VRK2: variants seen among roughly 807,000 people sequenced by gnomAD.
VRK2 encodes the protein VRK serine/threonine kinase 2.
A neutral mutation model predicts 57.6 loss-of-function variants in VRK2; 60 were observed. That is an observed-to-expected ratio of 1.04 (90% confidence interval 0.85 to 1.29). The LOEUF (loss-of-function observed/expected upper bound fraction) is 1.29. Ranked by LOEUF, VRK2 falls within the 50% of genes most tolerant of loss-of-function variation. The pLI is 0.00. For missense variants in VRK2, 705 were observed against 588.1 expected (o/e 1.20, Z -2.06); for synonymous variants, 231 against 199.2 (o/e 1.16, Z -1.35).
chr2:58,051,683 T>C (rs1243628342), intron 2 of VRK2, among the ~76,000 whole-genome samples: 1 of 152,240 alleles, frequency 6.6e-6, no homozygotes, highest in Non-Finnish European at 1.5e-5. Flanking sequence ...CTGCTCTGTC[T>C]AGCTCATTGT....
At chr2:58,135,334 G>T in intron 10 of VRK2, 135 bp downstream of exon 10, 2 of 814,336 alleles carry the variant, frequency 2.5e-6, no homozygotes, top group Non-Finnish European at 3.9e-6. Context: ...TCTTCATGTT[G>T]CAAATAAGTT....
chr2:58,137,202 C>CAA (rs1680549626), intron 10 of VRK2, among the ~76,000 whole-genome samples: 1 of 27,330 alleles, frequency 3.7e-5, no homozygotes, highest in Non-Finnish European at 6.3e-5. Flanking sequence ...ACATATATAT[C>CAA]TCATATATGA....
chr2:57,935,049 C>A (rs1670860837), intron 1 of VRK2, among the ~76,000 whole-genome samples: 1 of 152,036 alleles, frequency 6.6e-6, no homozygotes, highest in Admixed American at 6.6e-5. Flanking sequence ...ATTTTGAATT[C>A]TTTATCAGAA....
chr2:58,150,960 CTAATT>C (rs1289119016), intron 12 of VRK2, among the ~76,000 whole-genome samples: 1 of 151,370 alleles, frequency 6.6e-6, no homozygotes, highest in African/African-American at 2.4e-5. Context: ...TTATTGATTT[CTAATT>C]TAATTTTGCT....
chr2:58,098,576 G>A (rs1673497135), intron 7 of VRK2, among the ~76,000 whole-genome samples: 1 of 152,000 alleles, frequency 6.6e-6, no homozygotes, highest in Non-Finnish European at 1.5e-5. Flanking sequence ...GTTGTCTGCA[G>A]TATTTACTAT....
At chr2:58,121,053 A>G (rs527316337) in intron 7 of VRK2, among the ~76,000 whole-genome samples, 35 of 152,358 alleles carry the variant, frequency 2.3e-4, no homozygotes, top group African/African-American at 8.2e-4. Flanking sequence ...GATTGAGAGT[A>G]AAAGCTCTAG....
chr2:58,118,554 G>T (rs1212983646), intron 7 of VRK2, among the ~76,000 whole-genome samples: 1 of 152,250 alleles, frequency 6.6e-6, no homozygotes, highest in African/African-American at 2.4e-5. Flanking sequence ...CCGCTTACCG[G>T]ATTTGAAATT....
intron 2 of VRK2, among the ~76,000 whole-genome samples, chr2:58,063,268 T>C (rs1306088593): frequency 6.7e-6 from 1 of 148,156 alleles, no homozygotes; most frequent in Non-Finnish European, 1.5e-5. Context: ...AACATATGAG[T>C]GAGAACAACT....
In VRK2 at chr2:58,112,538, T is replaced by G. The variant is rs573918324; in HGVS notation, c.544-10563T>G. On this transcript the variant is annotated intron_variant, in intron 7 of 12. Transcript: ENST00000340157. ...AGAAAACTTCTCTTCCACGCTTCTC[T>G]GAAGGGTCACTGGAATGAGCTGACA... Among the ~76,000 whole-genome samples the G allele has an allele frequency of 2.7e-5, 4 of 150,376 alleles. No homozygotes were observed. The South Asian group carries it at 8.4e-4, about 32-fold the overall frequency.
intron 7 of VRK2, among the ~76,000 whole-genome samples, chr2:58,100,377 C>T (rs1673780984): frequency 6.6e-6 from 1 of 151,878 alleles, no homozygotes; most frequent in Non-Finnish European, 1.5e-5. Flanking sequence ...ATCTGTATTT[C>T]ATTATCTCCA....
Position 58,131,871 on chromosome 2 carries a change from A to G in VRK2, c.740A>G (p.Lys247Arg), listed in dbSNP as rs767674577. The G allele has an allele frequency of 1.2e-6, 2 of 1,614,056 alleles. No homozygotes were observed. The highest frequency in any genetic ancestry group is 1.7e-6 in the Non-Finnish European group (2 of 1,179,972). ...GYCMLRWLCGKLPWEQNLKDP... is the reference protein window; with the variant it reads ...GYCMLRWLCGRLPWEQNLKDP... Reference sequence around the variant, plus strand: ...TGCATGCTGCGGTGGTTGTGTGGGAAACTTCCCTGGGAACAGAACCTGAAG... The same window carrying G: ...TGCATGCTGCGGTGGTTGTGTGGGAGACTTCCCTGGGAACAGAACCTGAAG... The change falls in exon 9 of 13, where the codon AAA (lysine) becomes AGA (arginine). Residue 247 changes from lysine to arginine, a missense_variant. Physicochemically the swap from Lys to Arg is conservative, Grantham distance 26 (BLOSUM62 2). Transcript: ENST00000340157.
chr2:58,144,542 G>T (rs1681829179), intron 11 of VRK2, among the ~76,000 whole-genome samples: 1 of 151,728 alleles, frequency 6.6e-6, no homozygotes, highest in African/African-American at 2.4e-5. Flanking sequence ...AAGCTGGGAG[G>T]GCAAATCTCA....
In VRK2 at chr2:58,159,711, C is replaced by G. The variant is rs752155510; in HGVS notation, c.*18C>G. ...TTCTCTGAAGATGATACCAAAATTCCTTTTGATAATTTTTTAAGTTTCCAG... is the reference window on the plus strand; with the variant it reads ...TTCTCTGAAGATGATACCAAAATTCGTTTTGATAATTTTTTAAGTTTCCAG... On this transcript the variant is annotated 3_prime_UTR_variant, in exon 13 of 13. Transcript: ENST00000340157. 1.9e-5 allele frequency: 31 copies of G among 1,611,584 alleles called. 1 individual carries two copies. The South Asian group carries it at 3.3e-4, about 17-fold the overall frequency.
At chr2:58,122,280 G>A (rs1478588193) in intron 7 of VRK2, among the ~76,000 whole-genome samples, 2 of 152,102 alleles carry the variant, frequency 1.3e-5, no homozygotes, top group African/African-American at 2.4e-5. Flanking sequence ...AGGGTTAGGG[G>A]TGCTGACCCC....
intron 2 of VRK2, among the ~76,000 whole-genome samples, chr2:58,053,951 G>A (rs1676132050): frequency 6.6e-6 from 1 of 151,972 alleles, no homozygotes; most frequent in East Asian, 1.9e-4. Context: ...ATAAATAATA[G>A]GTAATATAAA....
chr2:57,945,779 G>C (rs1184739657), intron 1 of VRK2, among the ~76,000 whole-genome samples: 1 of 152,044 alleles, frequency 6.6e-6, no homozygotes, highest in Non-Finnish European at 1.5e-5. Flanking sequence ...TATGGGAAGA[G>C]ATAATAAATA....
rs533242565 is a variant in VRK2 at position 58,147,989 on chromosome 2, A to G, written c.1182+1515A>G. Among the ~76,000 whole-genome samples, 152 of 152,000 alleles carry G rather than the reference A, an allele frequency of 1.0e-3. 1 individual carries two copies. The Middle Eastern group carries it at 0.027, about 27-fold the overall frequency. Reference sequence around the variant, plus strand: ...GGGCTACTACTCATTTCTGGCCACCATGAATATAGTTGCTACAAACATTCT... The same window carrying G: ...GGGCTACTACTCATTTCTGGCCACCGTGAATATAGTTGCTACAAACATTCT... On this transcript the variant is annotated intron_variant, in intron 12 of 12. Transcript: ENST00000340157.
At chr2:57,923,151 T>C (rs1341529512) in intron 1 of VRK2, among the ~76,000 whole-genome samples, 1 of 152,028 alleles carries the variant, frequency 6.6e-6, no homozygotes, top group East Asian at 1.9e-4. Context: ...CTTCCAAATA[T>C]TGACTAGAGT....
At chr2:58,155,570 C>G (rs1483834872) in intron 12 of VRK2, among the ~76,000 whole-genome samples, 1 of 152,038 alleles carries the variant, frequency 6.6e-6, no homozygotes, top group Non-Finnish European at 1.5e-5. Flanking sequence ...CACAATTTCC[C>G]TAACACCCAG....
Sources: gnomAD v4.1 joint callset for allele counts (sites outside exome capture counted in the v4.1 genomes callset) on GRCh38, gnomAD v4.1.1 for gene constraint, MANE v1.5 for transcripts, NCBI Gene and HGNC (gene_info 2026-07-23, HGNC 2026-07-21) for gene names.